The following TRPC7 variants were observed in gnomAD, a reference collection of about 807,000 sequenced individuals.
TRPC7 encodes short transient receptor potential channel 7.
In TRPC7, 42 loss-of-function variants were observed where a neutral mutation model predicts 90.1. The observed-to-expected ratio is 0.47, with a 90% CI of 0.36 to 0.60. TRPC7 has a LOEUF of 0.60. Among genes scored for constraint, TRPC7 ranks in the 20% least tolerant of loss-of-function variants. TRPC7 has a pLI of 0.00. For missense variants in TRPC7, 955 were observed against 1,112.3 expected, an observed-to-expected ratio of 0.86 and a Z score of 2.01; for synonymous variants, 451 against 436.3, an observed-to-expected ratio of 1.03 and a Z score of -0.42.
intron 10 of TRPC7, among the ~76,000 whole-genome samples, chr5:136,224,931 A>G (rs561202919): frequency 4.6e-5 from 7 of 152,196 alleles, no homozygotes; most frequent in African/African-American, 1.7e-4. Flanking sequence ...TCTGAAAACT[A>G]TATCTAGGCT....
intron 2 of TRPC7, among the ~76,000 whole-genome samples, chr5:136,331,230 C>T (rs937578521): frequency 2.0e-5 from 3 of 152,222 alleles, no homozygotes; most frequent in Non-Finnish European, 4.4e-5. Flanking sequence ...AGCACTCTCT[C>T]TACCTGGATC....
At chr5:136,282,737 G>A (rs976507139) in intron 3 of TRPC7, among the ~76,000 whole-genome samples, 2 of 152,194 alleles carry the variant, frequency 1.3e-5, no homozygotes, top group African/African-American at 2.4e-5. Flanking sequence ...TAACATGTGT[G>A]TAACCCAGAT....
intron 3 of TRPC7, 132 bp from the exon 4 acceptor site, chr5:136,274,969 A>G: frequency 2.0e-6 from 2 of 1,004,320 alleles, no homozygotes; most frequent in Non-Finnish European, 2.8e-6. Flanking sequence ...AGGAACCTGC[A>G]GTGGGTGGGG....
intron 5 of TRPC7, among the ~76,000 whole-genome samples, chr5:136,260,625 C>G (rs1390938841): frequency 6.6e-6 from 1 of 152,178 alleles, no homozygotes; most frequent in Non-Finnish European, 1.5e-5. Flanking sequence ...GTGAGAGCAT[C>G]ATAGGCCACT....
chr5:136,247,408 A>C lies in TRPC7; in HGVS notation c.1844+63T>G. 1 of 1,523,266 alleles carries C rather than the reference A, an allele frequency of 6.6e-7. No homozygotes were observed. Among genetic ancestry groups the C allele is most frequent in the Non-Finnish European group, 8.8e-7 (1 of 1,131,172 alleles). 94.4% of individuals were successfully genotyped at this position (1,523,266 alleles called of 1,614,324 possible). ...GTCTCTGCAAGAAGCCACCTTCAGG[A>C]GACTCCCAAGGATTCCCAGGAAGCC... On this transcript the variant is annotated intron_variant, in intron 7 of 11. Coordinates refer to ENST00000513104, the MANE Select transcript of TRPC7 (RefSeq NM_020389.3). This position sits in a 1 kb window ranked among gnomAD's most constrained non-coding sequence, Gnocchi z 4.2.
intron 7 of TRPC7, among the ~76,000 whole-genome samples, chr5:136,238,031 T>C (rs1756043737): frequency 6.6e-6 from 1 of 152,176 alleles, no homozygotes; most frequent in Admixed American, 6.5e-5. Context: ...CCTTCACTCA[T>C]TGCACTCTGC....
In TRPC7 at chr5:136,257,432, C is replaced by T. The variant is rs549355844; in HGVS notation, c.1346-5550G>A. 5.9e-5 allele frequency among the ~76,000 whole-genome samples: 9 copies of T among 152,196 alleles called. No individual in the cohort carries two copies. In the South Asian group the frequency reaches 6.2e-4, roughly 11 times the overall value. On this transcript the variant is annotated intron_variant, in intron 5 of 11. Coordinates refer to ENST00000513104, the MANE Select transcript of TRPC7 (RefSeq NM_020389.3). ...TCCTGACCTCGTGATCCTCCCACCT[C>T]GGCCTCCCAAAGTGCTGGGATTGCA... is the stretch of plus-strand genomic sequence containing the variant.
intron 3 of TRPC7, among the ~76,000 whole-genome samples, chr5:136,306,746 C>G (rs1379188699): frequency 1.3e-5 from 2 of 151,840 alleles, no homozygotes; most frequent in Non-Finnish European, 2.9e-5. Flanking sequence ...TAATCTCCCC[C>G]ACCCTTAAGA....
chr5:136,313,906 C>A (rs1481941496), intron 3 of TRPC7, among the ~76,000 whole-genome samples: 6 of 152,180 alleles, frequency 3.9e-5, no homozygotes, highest in African/African-American at 1.4e-4. Flanking sequence ...TCTCATTCAT[C>A]CCCAGGGCCA....
Position 136,356,644 on chromosome 5 carries a change from C to T in TRPC7, c.744G>A (p.Glu248=), listed in dbSNP as rs751358247. 3.2e-6 allele frequency: 5 copies of T among 1,558,512 alleles called. No individual in the cohort carries two copies. The highest frequency in any genetic ancestry group is 2.4e-5 in the South Asian group (2 of 83,326). The part of the protein sequence containing the change: ...PVLTALELSN[E]LARLANIETE... The stretch of plus-strand genomic sequence containing the variant: ...TCTCAATGTTGGCTAGTCTGGCTAA[C>T]TCGTTGCTGAGCTCCAGGGCGGTGA... Residue 248 remains glutamate, a synonymous_variant, in exon 2 of 12, where the codon GAG becomes GAA. Coordinates refer to ENST00000513104, the MANE Select transcript of TRPC7 (RefSeq NM_020389.3).
chr5:136,363,886 G>A (rs988598859), intron 1 of TRPC7, among the ~76,000 whole-genome samples: 12 of 152,138 alleles, frequency 7.9e-5, no homozygotes, highest in African/African-American at 2.9e-4. Flanking sequence ...GAAACTGGAT[G>A]TCTATATCTC....
Position 136,291,112 on chromosome 5 carries a change from G to C in TRPC7, c.964-16275C>G, listed in dbSNP as rs138714348. On this transcript the variant is annotated intron_variant, in intron 3 of 11. Coordinates refer to ENST00000513104, the MANE Select transcript of TRPC7 (RefSeq NM_020389.3). ...ATGCTGAGAGATTTAGTCACCACCAGGCCTGCCCTACAAGAGCTCCTGAAA... is the reference window on the plus strand; with the variant it reads ...ATGCTGAGAGATTTAGTCACCACCACGCCTGCCCTACAAGAGCTCCTGAAA... 8.9e-3 allele frequency among the ~76,000 whole-genome samples: 1,356 copies of C among 152,300 alleles called. 11 individuals are homozygous for C. Among genetic ancestry groups the C allele is most frequent in the Non-Finnish European group, 0.014 (943 of 68,040 alleles).
At position 136,251,709 on chromosome 5, in the gene TRPC7, C is replaced by T. The variant is rs773570421; in HGVS notation, c.1519G>A (p.Val507Met). The change falls in exon 6 of 12, where the codon GTG (valine) becomes ATG (methionine). Residue 507 changes from valine (V) to methionine (M), a missense_variant. Transcript: ENST00000513104. ...ACATTGTGCAGCGTGTCGTCCTGCA[C>T]GTGCTGGTCCACGTACAGCTGTGCC... ...TEAQLYVDQH[V>M]QDDTLHNVSL... 2 of 1,613,874 alleles carry T rather than the reference C, an allele frequency of 1.2e-6. No individual in the cohort carries two copies. Among genetic ancestry groups the T allele is most frequent in the African/African-American group, 1.3e-5 (1 of 75,050 alleles).
In TRPC7 at chr5:136,226,199, A is replaced by G; in HGVS notation, c.2097T>C (p.Phe699=). 6.4e-7 allele frequency: 1 copy of G among 1,552,866 alleles called. No homozygotes were observed. Among genetic ancestry groups the G allele is most frequent in the East Asian group, 2.4e-5 (1 of 41,194 alleles). The change falls in exon 9 of 12, where the codon TTT becomes TTC. Residue 699 remains phenylalanine (F), a synonymous_variant. Transcript: ENST00000513104. ...GAGCAGGTAGAGTTCTTCCTTCATC[A>G]AAGTAAGACAGCCAGAGTTTTGCTC... ...FARAKLWLSY[F]DEGRTLPAPF...
intron 3 of TRPC7, among the ~76,000 whole-genome samples, chr5:136,288,553 T>A (rs1048007787): frequency 1.3e-5 from 2 of 151,906 alleles, no homozygotes; most frequent in African/African-American, 4.8e-5. Context: ...GTACTTACTA[T>A]GTACTGGAAC....
intron 10 of TRPC7, among the ~76,000 whole-genome samples, chr5:136,220,922 C>G (rs1460113781): frequency 6.6e-6 from 1 of 152,060 alleles, no homozygotes; most frequent in Non-Finnish European, 1.5e-5. Context: ...AGATGGCCGA[C>G]AATTATGGAA....
At chr5:136,315,472 AAGAG>A in intron 3 of TRPC7, 121 bp downstream of exon 3, 1 of 1,042,524 alleles carries the variant, frequency 9.6e-7, no homozygotes, top group Non-Finnish European at 1.4e-6. Flanking sequence ...TCCCTGTCTA[AAGAG>A]AATCTGGGTG....
intron 3 of TRPC7, among the ~76,000 whole-genome samples, chr5:136,294,987 A>AG (rs1758111425): frequency 6.6e-6 from 1 of 152,234 alleles, no homozygotes; most frequent in Non-Finnish European, 1.5e-5. Flanking sequence ...TGTGCTTTGT[A>AG]GGGACATGGA....
intron 3 of TRPC7, among the ~76,000 whole-genome samples, chr5:136,275,282 T>C (rs77917920): frequency 0.017 from 2,599 of 152,156 alleles, 69 homozygotes; most frequent in African/African-American, 0.06. Flanking sequence ...CCCCTACTAG[T>C]TGGGTGACCT....
Sources: gnomAD v4.1 joint callset for allele counts (sites outside exome capture counted in the v4.1 genomes callset) on GRCh38, gnomAD v4.1.1 for gene constraint, Gnocchi (gnomAD v3.1) non-coding constraint, MANE v1.5 for transcripts, NCBI Gene and HGNC (gene_info 2026-07-23, HGNC 2026-07-21) for gene names.